SMAD2: variants seen among roughly 807,000 people sequenced by gnomAD.
SMAD2 encodes the protein SMAD family member 2, also known as MAD homolog 2.
Under a neutral mutation model 64.4 loss-of-function variants are expected in SMAD2, and 8 were observed. The observed-to-expected ratio is 0.12, with a 90% CI of 0.07 to 0.22. The LOEUF (loss-of-function observed/expected upper bound fraction) is 0.22. SMAD2 is among the 10% of genes least tolerant of loss of function. SMAD2 has a pLI of 1.00. For missense variants in SMAD2, 289 were observed against 561.2 expected, an observed-to-expected ratio of 0.51 and a Z score of 4.90; for synonymous variants, 203 against 195.8, an observed-to-expected ratio of 1.04 and a Z score of -0.31.
intron 6 of SMAD2, among the ~76,000 whole-genome samples, chr18:47,861,173 T>TG (rs1417770738): frequency 3.3e-5 from 5 of 152,104 alleles, no homozygotes; most frequent in Non-Finnish European, 5.9e-5. Flanking sequence ...CTGACCAACG[T>TG]GGAGAAACTC....
intron 6 of SMAD2, among the ~76,000 whole-genome samples, chr18:47,852,480 A>C (rs913559830): frequency 1.3e-5 from 2 of 152,192 alleles, no homozygotes; most frequent in Non-Finnish European, 2.9e-5. Context: ...CTCAAGCAAT[A>C]CAAGCCTGAA....
At chr18:47,906,451 G>A (rs2033906750) in intron 1 of SMAD2, among the ~76,000 whole-genome samples, 1 of 152,048 alleles carries the variant, frequency 6.6e-6, no homozygotes, top group Non-Finnish European at 1.5e-5. Flanking sequence ...AAAAGACACA[G>A]GAGCACATGA....
chr18:47,844,033 G>A (rs773149962), intron 10 of SMAD2, among the ~76,000 whole-genome samples: 2 of 152,028 alleles, frequency 1.3e-5, no homozygotes, highest in Non-Finnish European at 2.9e-5. Flanking sequence ...ATCAACTCAG[G>A]TCAAGTCTAA....
At position 47,830,717 on chromosome 18, in the gene SMAD2, T is replaced by C. The variant is rs954497375; in HGVS notation, c.*11110A>G. 6 of 153,284 alleles carry C rather than the reference T, an allele frequency of 3.9e-5. No homozygotes were observed. The highest frequency in any genetic ancestry group is 1.4e-4 in the African/African-American group (6 of 41,478). The allele number at this position is 153,284 out of a possible 1,614,324, so 9.5% of individuals were successfully genotyped here. ...TTGATCAAATACTGCCACAATATAGTTTAGAGGCAAGACCTCTCATGAAGA... is the reference window on the plus strand; with the variant it reads ...TTGATCAAATACTGCCACAATATAGCTTAGAGGCAAGACCTCTCATGAAGA... On this transcript the variant is annotated 3_prime_UTR_variant, in exon 11 of 11. Transcript: ENST00000262160.
chr18:47,918,507 CAT>C (rs1327472921), intron 1 of SMAD2, among the ~76,000 whole-genome samples: 1 of 152,228 alleles, frequency 6.6e-6, no homozygotes, highest in African/African-American at 2.4e-5. Context: ...GTTTCACCCA[CAT>C]GTTGAGTTTT....
intron 2 of SMAD2, among the ~76,000 whole-genome samples, chr18:47,881,869 GTTTTT>G (rs748654045): frequency 6.6e-6 from 1 of 151,832 alleles, no homozygotes; most frequent in Non-Finnish European, 1.5e-5. Flanking sequence ...AAATTACATA[GTTTTT>G]TTGTTTGTTT....
chr18:47,847,408 G>A (rs1042360953), intron 8 of SMAD2, among the ~76,000 whole-genome samples: 5 of 151,916 alleles, frequency 3.3e-5, no homozygotes, highest in African/African-American at 9.7e-5. Context: ...GTTAAAAGAA[G>A]TTACTTTAAG....
intron 6 of SMAD2, among the ~76,000 whole-genome samples, chr18:47,859,035 T>C (rs1485714508): frequency 1.3e-5 from 2 of 152,206 alleles, no homozygotes; most frequent in South Asian, 2.1e-4. Flanking sequence ...AAGATTCGGA[T>C]AGACTGAAAC....
At chr18:47,858,807 T>C (rs1406191614) in intron 6 of SMAD2, among the ~76,000 whole-genome samples, 3 of 151,952 alleles carry the variant, frequency 2.0e-5, no homozygotes, top group Non-Finnish European at 4.4e-5. Context: ...GTAAACAGAA[T>C]GAAACAAAAA....
chr18:47,850,579 TTATA>T (rs377099335), intron 7 of SMAD2, among the ~76,000 whole-genome samples: 7 of 34,692 alleles, frequency 2.0e-4, no homozygotes, highest in Non-Finnish European at 3.1e-4. Context: ...ATATTATATA[TTATA>T]TATATATTAT....
intron 1 of SMAD2, among the ~76,000 whole-genome samples, chr18:47,903,848 T>C (rs2033786506): frequency 9.5e-6 from 1 of 104,804 alleles, no homozygotes; most frequent in African/African-American, 3.7e-5. Flanking sequence ...AGTATGCAAA[T>C]TGAAACACAA....
intron 6 of SMAD2, among the ~76,000 whole-genome samples, chr18:47,851,788 T>C (rs1886542192): frequency 6.6e-6 from 1 of 152,204 alleles, no homozygotes; most frequent in African/African-American, 2.4e-5. Context: ...CCCACATTGA[T>C]GGATATTCAA....
At chr18:47,899,157 AC>A (rs1300845999) in intron 1 of SMAD2, among the ~76,000 whole-genome samples, 2 of 152,166 alleles carry the variant, frequency 1.3e-5, no homozygotes, top group Non-Finnish European at 2.9e-5. Flanking sequence ...GTTACAAATT[AC>A]AGGTTCTTGC....
At chr18:47,880,736 T>C (rs2032538356) in intron 2 of SMAD2, among the ~76,000 whole-genome samples, 1 of 152,224 alleles carries the variant, frequency 6.6e-6, no homozygotes, top group Non-Finnish European at 1.5e-5. Flanking sequence ...TGATGGTAGT[T>C]AGAGGTTCTG....
intron 1 of SMAD2, among the ~76,000 whole-genome samples, chr18:47,924,760 GCCTCACCA>G (rs1045607061): frequency 5.3e-5 from 8 of 152,304 alleles, no homozygotes; most frequent in Admixed American, 5.2e-4. Context: ...ACTGCCTCCG[GCCTCACCA>G]CCTCACATTC....
At chr18:47,897,856 T>A (rs574862155) in intron 1 of SMAD2, among the ~76,000 whole-genome samples, 17 of 152,302 alleles carry the variant, frequency 1.1e-4, no homozygotes, top group African/African-American at 4.1e-4. Flanking sequence ...TTGCCTTCAA[T>A]TTTAGTGAGA....
intron 6 of SMAD2, among the ~76,000 whole-genome samples, chr18:47,857,658 G>A (rs1465444650): frequency 1.3e-5 from 2 of 152,160 alleles, no homozygotes; most frequent in Admixed American, 6.5e-5. Context: ...AACAGAGAGT[G>A]GTAATCACTT....
intron 8 of SMAD2, among the ~76,000 whole-genome samples, chr18:47,847,630 CAAAAA>C (rs34954783): frequency 2.7e-4 from 25 of 92,870 alleles, no homozygotes; most frequent in Non-Finnish European, 4.4e-4. Flanking sequence ...ATTTCCAAAG[CAAAAA>C]AAAAAAAAAT....
In SMAD2 at chr18:47,868,399, C is replaced by G. The variant is rs200480021; in HGVS notation, c.579G>C (p.Leu193=). The change falls in exon 5 of 11, where the codon CTG becomes CTC. Residue 193 remains leucine (L), a synonymous_variant. Coordinates refer to ENST00000262160, the MANE Select transcript of SMAD2 (RefSeq NM_005901.6). ...CTGGAATGGAGTGAGTATAGTCATC[C>G]AGAGGCGGAAGTTCTGTTAGGATCT... ...HTEILTELPP[L]DDYTHSIPEN... The G allele has an allele frequency of 6.2e-7, 1 of 1,610,460 alleles. No individual in the cohort carries two copies. The highest frequency in any genetic ancestry group is 8.5e-7 in the Non-Finnish European group (1 of 1,177,320).
Sources: gnomAD v4.1 joint callset for allele counts (sites outside exome capture counted in the v4.1 genomes callset) on GRCh38, gnomAD v4.1.1 for gene constraint, MANE v1.5 for transcripts, NCBI Gene and HGNC (gene_info 2026-07-23, HGNC 2026-07-21) for gene names.